AKT3: variants seen among roughly 807,000 people sequenced by gnomAD.
AKT3 encodes the protein AKT serine/threonine kinase 3, also known as RAC-gamma serine/threonine-protein kinase.
In AKT3, 15 loss-of-function variants were observed where a neutral mutation model predicts 65.3. That is an observed-to-expected ratio of 0.23 (90% CI 0.15 to 0.35). AKT3 has a LOEUF of 0.35. Among genes scored for constraint, AKT3 ranks in the 10% least tolerant of loss-of-function variants. The probability of loss-of-function intolerance (pLI) is 1.00; values close to 1 mark genes in which losing one functional copy is unlikely to be tolerated. For missense variants in AKT3, 243 were observed against 576.5 expected, an observed-to-expected ratio of 0.42 and a Z score of 5.92; for synonymous variants, 206 against 183.8, an observed-to-expected ratio of 1.12 and a Z score of -0.98.
chr1:243,768,397 A>C (rs933514540), intron 2 of AKT3, among the ~76,000 whole-genome samples: 4 of 152,108 alleles, frequency 2.6e-5, no homozygotes, highest in African/African-American at 9.7e-5. Flanking sequence ...TTCATTTTTC[A>C]GGTCTCTGTT....
chr1:243,837,578 C>T (rs1034219565), intron 2 of AKT3, among the ~76,000 whole-genome samples: 1 of 151,942 alleles, frequency 6.6e-6, no homozygotes, highest in Non-Finnish European at 1.5e-5. Flanking sequence ...TACACCATGA[C>T]CAAATGGAAT....
chr1:243,786,185 C>T (rs1334317275), intron 2 of AKT3, among the ~76,000 whole-genome samples: 1 of 152,186 alleles, frequency 6.6e-6, no homozygotes, highest in Non-Finnish European at 1.5e-5. Flanking sequence ...AGGTTATCCT[C>T]TAACCCTGAT....
chr1:243,849,125 C>A (rs1211942055), intron 1 of AKT3, among the ~76,000 whole-genome samples: 3 of 152,182 alleles, frequency 2.0e-5, no homozygotes, highest in African/African-American at 7.2e-5. Context: ...ACCAGCTAGG[C>A]TTCAACTTTG....
chr1:243,696,199 CTG>C (rs1193836851), intron 2 of AKT3, among the ~76,000 whole-genome samples: 5 of 151,338 alleles, frequency 3.3e-5, no homozygotes. Context: ...TAAATCTTGA[CTG>C]TAACTTGTTT....
chr1:243,611,425 G>A (rs1052378009), intron 8 of AKT3, among the ~76,000 whole-genome samples: 1 of 152,152 alleles, frequency 6.6e-6, no homozygotes, highest in Non-Finnish European at 1.5e-5. Flanking sequence ...GCTCACGTCT[G>A]TAATCCCAGC....
chr1:243,670,464 G>A (rs1438744882), intron 3 of AKT3, among the ~76,000 whole-genome samples: 1 of 152,146 alleles, frequency 6.6e-6, no homozygotes, highest in South Asian at 2.1e-4. Context: ...TAAAGGAAAT[G>A]GTGGTTAATA....
intron 2 of AKT3, among the ~76,000 whole-genome samples, chr1:243,803,986 C>A (rs187355978): frequency 1.1e-4 from 17 of 152,326 alleles, no homozygotes; most frequent in African/African-American, 4.1e-4. Context: ...ACAACAGAAG[C>A]CTGCTTGAGA....
At chr1:243,544,962 T>C (rs1456803269) in intron 12 of AKT3, among the ~76,000 whole-genome samples, 1 of 151,924 alleles carries the variant, frequency 6.6e-6, no homozygotes, top group Admixed American at 6.6e-5. Context: ...CCTCCCAAAG[T>C]GCTGGGATTA....
At chr1:243,529,150 T>A (rs1671348619) in intron 12 of AKT3, among the ~76,000 whole-genome samples, 1 of 127,898 alleles carries the variant, frequency 7.8e-6, no homozygotes, top group South Asian at 2.3e-4. Flanking sequence ...TAATGGAGCT[T>A]TTTTTTTTTT....
In AKT3 at chr1:243,621,209, G is replaced by C. The variant is rs111395819; in HGVS notation, c.562-6048C>G. 2.2e-4 allele frequency among the ~76,000 whole-genome samples: 33 copies of C among 152,260 alleles called. No individual in the cohort carries two copies. In the South Asian group the frequency reaches 4.4e-3, roughly 20 times the overall value. On this transcript the variant is annotated intron_variant, in intron 6 of 13. Coordinates refer to ENST00000673466, the MANE Select transcript of AKT3 (RefSeq NM_005465.7). ...GGTCTGTGCTGACTTCCAAGCACAGGAGCTTTTCATTTATTTGTCTCTCTT... is the reference window on the plus strand; with the variant it reads ...GGTCTGTGCTGACTTCCAAGCACAGCAGCTTTTCATTTATTTGTCTCTCTT...
chr1:243,780,830 C>T (rs1046105675), intron 2 of AKT3, among the ~76,000 whole-genome samples: 4 of 151,592 alleles, frequency 2.6e-5, no homozygotes, highest in African/African-American at 9.7e-5. Context: ...TTCAAATATT[C>T]CTTTGAATGA....
chr1:243,824,408 C>T (rs1400199649), intron 2 of AKT3, among the ~76,000 whole-genome samples: 1 of 152,000 alleles, frequency 6.6e-6, no homozygotes, highest in Non-Finnish European at 1.5e-5. Context: ...AAATTGACGA[C>T]TGGGATCTAA....
intron 1 of AKT3, among the ~76,000 whole-genome samples, chr1:243,845,237 C>G (rs905429121): frequency 2.0e-5 from 3 of 151,466 alleles, no homozygotes; most frequent in African/African-American, 4.9e-5. Context: ...TGCAAGACCA[C>G]CAGCCTCATG....
intron 13 of AKT3, among the ~76,000 whole-genome samples, chr1:243,493,639 G>A (rs914387232): frequency 5.9e-5 from 9 of 151,860 alleles, no homozygotes; most frequent in African/African-American, 1.5e-4. Flanking sequence ...AAACAGAGTC[G>A]GAAACTGACT....
At chr1:243,547,162 CCA>C (rs1428601349) in intron 11 of AKT3, among the ~76,000 whole-genome samples, 1 of 151,692 alleles carries the variant, frequency 6.6e-6, no homozygotes, top group East Asian at 1.9e-4. Flanking sequence ...TCCACTGTGG[CCA>C]GTTTCGAGCT....
intron 2 of AKT3, among the ~76,000 whole-genome samples, chr1:243,831,363 T>C (rs999224291): frequency 3.9e-5 from 6 of 152,168 alleles, no homozygotes; most frequent in African/African-American, 2.4e-5. Context: ...TGCAATATTA[T>C]ACAGACAAAA....
chr1:243,695,853 G>T, intron 2 of AKT3, 137 bp from the exon 3 acceptor site: 1 of 613,268 alleles, frequency 1.6e-6, no homozygotes, highest in Non-Finnish European at 2.4e-6. Flanking sequence ...TTTTAACTTA[G>T]CTTACAAAAG....
upstream of AKT3, among the ~76,000 whole-genome samples, chr1:243,850,739 C>G (rs527279401): frequency 2.6e-5 from 4 of 152,012 alleles, no homozygotes; most frequent in South Asian, 8.3e-4. Context: ...CCCTCGTCCT[C>G]AGGCTTCCCC....
chr1:243,512,843 A>T (rs1670103502), intron 12 of AKT3, among the ~76,000 whole-genome samples: 1 of 152,184 alleles, frequency 6.6e-6, no homozygotes, highest in African/African-American at 2.4e-5. Context: ...TTAATAATAC[A>T]GCTATCACCA....
Sources: gnomAD v4.1 joint callset for allele counts (sites outside exome capture counted in the v4.1 genomes callset) on GRCh38, gnomAD v4.1.1 for gene constraint, MANE v1.5 for transcripts, NCBI Gene and HGNC (gene_info 2026-07-23, HGNC 2026-07-21) for gene names.